Variants in LYPLA1 observed in about 807,000 individuals in gnomAD.
LYPLA1 encodes the protein lysophospholipase 1.
Under a neutral mutation model 34.0 loss-of-function variants are expected in LYPLA1, and 17 were observed. The observed-to-expected ratio is 0.50, with a 90% CI of 0.34 to 0.75. The LOEUF (loss-of-function observed/expected upper bound fraction) is 0.75. Among genes scored for constraint, LYPLA1 ranks in the 30% least tolerant of loss-of-function variants. LYPLA1 has a pLI of 0.01. For synonymous variants in LYPLA1, 98 were observed against 100.8 expected (o/e 0.97, Z 0.17); for missense variants, 203 against 288.8 (o/e 0.70, Z 2.15).
At chr8:54,056,554 G>A (rs1489525009) in intron 5 of LYPLA1, among the ~76,000 whole-genome samples, 6 of 152,102 alleles carry the variant, frequency 3.9e-5, no homozygotes, top group Non-Finnish European at 5.9e-5. Flanking sequence ...TCTGAGAAGG[G>A]ATTAATAACC....
At position 54,066,730 on chromosome 8, in the gene LYPLA1, G is replaced by A. The variant is rs537876850; in HGVS notation, c.102-917C>T. Among the ~76,000 whole-genome samples the A allele has an allele frequency of 1.2e-3, 182 of 150,638 alleles. 1 individual carries two copies. The highest frequency in any genetic ancestry group is 1.3e-3 in the Non-Finnish European group (86 of 67,774). Reference sequence around the variant, plus strand: ...CAGGAGGTGGAGGCTGCAGTGAGCCGAGATCACGCCACTGCACTCCAGCCT... The same window carrying A: ...CAGGAGGTGGAGGCTGCAGTGAGCCAAGATCACGCCACTGCACTCCAGCCT... On this transcript the variant is annotated intron_variant, in intron 2 of 8. Transcript: ENST00000316963.
At chr8:54,066,975 C>T (rs1807113734) in intron 2 of LYPLA1, among the ~76,000 whole-genome samples, 1 of 151,986 alleles carries the variant, frequency 6.6e-6, no homozygotes, top group African/African-American at 2.4e-5. Flanking sequence ...TCGAGACCAG[C>T]CTGGCCAACA....
chr8:54,062,371 TGTA>T (rs1489217170), intron 4 of LYPLA1, 47 bp from the exon 5 acceptor site: 2 of 1,231,636 alleles, frequency 1.6e-6, no homozygotes, highest in Admixed American at 3.9e-5. Context: ...AATCTATTAT[TGTA>T]GTAAGTATAT....
intron 2 of LYPLA1, among the ~76,000 whole-genome samples, chr8:54,083,338 T>C (rs1450407991): frequency 1.3e-5 from 2 of 152,150 alleles, no homozygotes; most frequent in Non-Finnish European, 1.5e-5. Flanking sequence ...TCTAAGCAAA[T>C]ACAGCTCTAA....
chr8:54,066,972 C>T (rs935735737), intron 2 of LYPLA1, among the ~76,000 whole-genome samples: 2 of 152,016 alleles, frequency 1.3e-5, no homozygotes, highest in Admixed American at 1.3e-4. Flanking sequence ...AGTTCGAGAC[C>T]AGCCTGGCCA....
intron 2 of LYPLA1, among the ~76,000 whole-genome samples, chr8:54,082,291 G>A (rs1049331461): frequency 1.3e-5 from 2 of 152,134 alleles, no homozygotes; most frequent in Non-Finnish European, 2.9e-5. Context: ...TCCCCACAAC[G>A]CACACGCACA....
At chr8:54,069,024 A>G (rs894210123) in intron 2 of LYPLA1, among the ~76,000 whole-genome samples, 4 of 152,230 alleles carry the variant, frequency 2.6e-5, no homozygotes, top group Non-Finnish European at 5.9e-5. Flanking sequence ...TGTTTGTCCA[A>G]AGAAGATATA....
At chr8:54,101,686 C>G (rs999716863) in intron 1 of LYPLA1, 69 bp downstream of exon 1, 1 of 1,214,090 alleles carries the variant, frequency 8.2e-7, no homozygotes, top group African/African-American at 1.6e-5. Flanking sequence ...CAACGCCCAC[C>G]CCGCGCGAGG....
At chr8:54,096,593 A>AT (rs781200088) in intron 2 of LYPLA1, among the ~76,000 whole-genome samples, 5 of 152,022 alleles carry the variant, frequency 3.3e-5, no homozygotes, top group Non-Finnish European at 5.9e-5. Context: ...TACAAAAAAA[A>AT]TTAGCCAGGC....
At chr8:54,101,528 C>A (rs1454943538) in intron 1 of LYPLA1, 6 of 1,140,188 alleles carry the variant, frequency 5.3e-6, no homozygotes, top group Admixed American at 4.8e-5. Context: ...ACACTTCCTC[C>A]GCAATGCAGG....
intron 5 of LYPLA1, among the ~76,000 whole-genome samples, chr8:54,056,322 A>C (rs1806202482): frequency 6.6e-6 from 1 of 152,224 alleles, no homozygotes; most frequent in African/African-American, 2.4e-5. Context: ...TAAATCTAAG[A>C]TCTCAAACTA....
At chr8:54,086,005 G>A (rs990247719) in intron 2 of LYPLA1, among the ~76,000 whole-genome samples, 3 of 152,164 alleles carry the variant, frequency 2.0e-5, no homozygotes, top group African/African-American at 7.2e-5. Flanking sequence ...GGGGAAATGT[G>A]GGGAAAAGAG....
At chr8:54,084,372 A>T (rs1253648710) in intron 2 of LYPLA1, among the ~76,000 whole-genome samples, 1 of 151,862 alleles carries the variant, frequency 6.6e-6, no homozygotes, top group Non-Finnish European at 1.5e-5. Flanking sequence ...GGAGTTAGAG[A>T]CCAGCCTGGC....
chr8:54,054,426 A>T (rs1263157818), intron 6 of LYPLA1: 3 of 152,240 alleles, frequency 2.0e-5, no homozygotes, highest in African/African-American at 4.8e-5. Context: ...CTATCTTCTA[A>T]ATAATTTCAG....
chr8:54,090,722 G>A (rs368435693), intron 2 of LYPLA1, among the ~76,000 whole-genome samples: 2 of 152,134 alleles, frequency 1.3e-5, no homozygotes, highest in African/African-American at 2.4e-5. Flanking sequence ...ATCCGCCTGG[G>A]AACAAAGAGA....
chr8:54,080,955 A>AT (rs1808271708), intron 2 of LYPLA1, among the ~76,000 whole-genome samples: 1 of 152,218 alleles, frequency 6.6e-6, no homozygotes, highest in African/African-American at 2.4e-5. Context: ...TATTTTCTCC[A>AT]TACCAAAGAA....
At chr8:54,091,558 G>A (rs951583660) in intron 2 of LYPLA1, among the ~76,000 whole-genome samples, 2 of 129,156 alleles carry the variant, frequency 1.5e-5, no homozygotes, top group Non-Finnish European at 3.1e-5. Flanking sequence ...AAAGAAGAAA[G>A]GAAGGAAGGA....
Position 54,051,187 on chromosome 8 carries a change from C to A in LYPLA1, c.464G>T (p.Gly155Val), listed in dbSNP as rs771332924. The change falls in exon 8 of 9, where the codon GGT (glycine) becomes GTT (valine). Residue 155 changes from glycine (G) to valine (V), a missense_variant and splice_region_variant. Gly to Val is a moderately radical substitution (Grantham distance 109). Around this residue, in one of 3 missense-constraint regions of LYPLA1, gnomAD observed 123 missense variants for 199.2 expected, o/e 0.62. Coordinates refer to ENST00000316963, the MANE Select transcript of LYPLA1 (RefSeq NM_006330.4). ...WLPLRASFPQ[G>V]PIGGANRDIS... ...ATCTCTATTAGCACCACCGATAGGACCCTGCAAAAAGCAAAAGAAGAAATA... is the reference window on the plus strand; with the variant it reads ...ATCTCTATTAGCACCACCGATAGGAACCTGCAAAAAGCAAAAGAAGAAATA... The A allele has an allele frequency of 6.3e-7, 1 of 1,589,790 alleles. No individual in the cohort carries two copies. Among genetic ancestry groups the A allele is most frequent in the East Asian group, 2.2e-5 (1 of 44,554 alleles).
At chr8:54,087,084 A>G (rs1760548270) in intron 2 of LYPLA1, among the ~76,000 whole-genome samples, 1 of 152,202 alleles carries the variant, frequency 6.6e-6, no homozygotes, top group Admixed American at 6.5e-5. Flanking sequence ...AGGAATCAGT[A>G]AAATTCCCTC....
Sources: gnomAD v4.1 joint callset for allele counts (sites outside exome capture counted in the v4.1 genomes callset) on GRCh38, gnomAD v4.1.1 for gene constraint, gnomAD v4.1.1 regional missense constraint, MANE v1.5 for transcripts, NCBI Gene and HGNC (gene_info 2026-07-23, HGNC 2026-07-21) for gene names.